The following MTUS2 variants were observed in gnomAD, a reference collection of about 807,000 sequenced individuals.
The protein encoded by MTUS2 is microtubule associated scaffold protein 2, also known as microtubule-associated tumor suppressor candidate 2.
In MTUS2, 40 loss-of-function variants were observed where a neutral mutation model predicts 114.1. The ratio of observed to expected loss-of-function variants is 0.35; its 90% CI spans 0.27 to 0.46. The LOEUF is 0.46. Ranked by LOEUF, MTUS2 falls within the 20% of genes least tolerant of loss-of-function variation. The pLI is 1.00. For missense variants in MTUS2, 1,679 were observed against 1,705.4 expected (o/e 0.98, Z 0.27); for synonymous variants, 688 against 672.0 (o/e 1.02, Z -0.37).
chr13:29,396,878 G>A (rs1255209960), intron 8 of MTUS2, among the ~76,000 whole-genome samples: 1 of 152,142 alleles, frequency 6.6e-6, no homozygotes, highest in Non-Finnish European at 1.5e-5. Flanking sequence ...TTGAAACATG[G>A]TCTTCATCCC....
chr13:29,464,445 C>G (rs1252494359), intron 9 of MTUS2, among the ~76,000 whole-genome samples: 1 of 152,160 alleles, frequency 6.6e-6, no homozygotes, highest in African/African-American at 2.4e-5. Context: ...CTGGGCAGGT[C>G]CCTGTAATCA....
At chr13:29,092,704 A>G (rs1256340715) in intron 4 of MTUS2, among the ~76,000 whole-genome samples, 2 of 152,068 alleles carry the variant, frequency 1.3e-5, no homozygotes, top group Admixed American at 6.5e-5. Flanking sequence ...CAACAGGCCC[A>G]GGGCCAAGTG....
chr13:29,381,052 C>CTG (rs72205462), intron 8 of MTUS2, among the ~76,000 whole-genome samples: 25,189 of 151,856 alleles, frequency 0.17, 3,172 homozygotes, highest in African/African-American at 0.35. Flanking sequence ...GAGGATGATG[C>CTG]TGTAGCAAGG....
Position 29,498,451 on chromosome 13 carries a change from G to A in MTUS2, c.3712G>A (p.Asp1238Asn). 2 of 1,614,172 alleles carry A rather than the reference G, an allele frequency of 1.2e-6. No homozygotes were observed. Among genetic ancestry groups the A allele is most frequent in the African/African-American group, 2.7e-5 (2 of 75,048 alleles). ...ALAPYQHLEEDMKSLKQVLEM... is the reference protein window; with the variant it reads ...ALAPYQHLEENMKSLKQVLEM... ...GGCTCCTTATCAGCACTTGGAAGAA[G>A]ACATGAAGAGTCTGAAGCAGGTATT... The change falls in exon 14 of 16, where the codon GAC (aspartate) becomes AAC (asparagine). Residue 1238 changes from aspartate (D) to asparagine (N), a missense_variant. Coordinates refer to ENST00000612955, the MANE Select transcript of MTUS2 (RefSeq NM_001033602.4).
intron 11 of MTUS2, among the ~76,000 whole-genome samples, chr13:29,491,060 C>T (rs112464942): frequency 0.013 from 1,805 of 136,386 alleles, 34 homozygotes; most frequent in African/African-American, 0.046. Flanking sequence ...TGGTGGGAGG[C>T]ATGGGGATGT....
At chr13:29,274,610 T>A (rs1897994492) in intron 5 of MTUS2, among the ~76,000 whole-genome samples, 1 of 152,256 alleles carries the variant, frequency 6.6e-6, no homozygotes, top group Non-Finnish European at 1.5e-5. Flanking sequence ...ATTTCCCTAA[T>A]GACAAGTGAA....
intron 4 of MTUS2, among the ~76,000 whole-genome samples, chr13:29,051,481 C>G (rs1887894761): frequency 6.6e-6 from 1 of 152,072 alleles, no homozygotes; most frequent in Admixed American, 6.6e-5. Context: ...AGATTGAAAT[C>G]TGCGTCTCAC....
At chr13:29,211,933 G>A (rs56271202) in intron 5 of MTUS2, among the ~76,000 whole-genome samples, 56 of 147,290 alleles carry the variant, frequency 3.8e-4, no homozygotes, top group East Asian at 8.3e-4. Context: ...GTCCATCTGA[G>A]TGGGAGCCTC....
intron 7 of MTUS2, among the ~76,000 whole-genome samples, chr13:29,351,824 A>C (rs925045826): frequency 2.7e-5 from 4 of 148,854 alleles, no homozygotes; most frequent in African/African-American, 1.0e-4. Flanking sequence ...CGTGTTGCCC[A>C]GGCTGGTCTC....
chr13:29,108,970 T>C (rs1890777398), intron 5 of MTUS2, among the ~76,000 whole-genome samples: 1 of 152,200 alleles, frequency 6.6e-6, no homozygotes, highest in African/African-American at 2.4e-5. Context: ...TATTTGAAAA[T>C]ATTTGAAGCT....
At chr13:29,144,244 C>T (rs1892340249) in intron 5 of MTUS2, among the ~76,000 whole-genome samples, 1 of 152,202 alleles carries the variant, frequency 6.6e-6, no homozygotes, top group African/African-American at 2.4e-5. Context: ...CCCACATTTT[C>T]TGTTTCTGTG....
At chr13:29,031,643 A>G (rs1013654139) in intron 3 of MTUS2, among the ~76,000 whole-genome samples, 2 of 151,982 alleles carry the variant, frequency 1.3e-5, no homozygotes, top group Non-Finnish European at 2.9e-5. Flanking sequence ...ACTCACCTAC[A>G]TGCTGAAGGG....
At chr13:29,341,554 A>C (rs891945330) in intron 7 of MTUS2, among the ~76,000 whole-genome samples, 4 of 152,120 alleles carry the variant, frequency 2.6e-5, no homozygotes, top group Admixed American at 2.6e-4. Context: ...CCTTTGTCAG[A>C]TGCATAGTTT....
Position 29,496,258 on chromosome 13 carries a change from A to G in MTUS2, c.3580-980A>G, listed in dbSNP as rs1300110996. 1 of 152,578 alleles carries G rather than the reference A, an allele frequency of 6.6e-6. No individual in the cohort carries two copies. The highest frequency in any genetic ancestry group is 1.5e-5 in the Non-Finnish European group (1 of 68,270). The allele number at this position is 152,578 out of a possible 1,614,324, so 9.5% of individuals were successfully genotyped here. On this transcript the variant is annotated intron_variant, in intron 12 of 15. Transcript: ENST00000612955. This position sits in a 1 kb window ranked among gnomAD's most constrained non-coding sequence, Gnocchi z 4.3. The stretch of plus-strand genomic sequence containing the variant: ...GTGGAGAGCAGCCAGCTGCCTGCCT[A>G]GCTGACAGGCATGGGAAGGTTGAGG...
intron 7 of MTUS2, among the ~76,000 whole-genome samples, chr13:29,344,382 G>T (rs1490251012): frequency 6.6e-6 from 1 of 152,058 alleles, no homozygotes; most frequent in African/African-American, 2.4e-5. Flanking sequence ...TGTTGGACTA[G>T]TCCTTTTATC....
chr13:29,101,062 A>G, intron 5 of MTUS2, 92 bp downstream of exon 5: 1 of 1,316,146 alleles, frequency 7.6e-7, no homozygotes, highest in Non-Finnish European at 1.0e-6. Flanking sequence ...ATGATTATTT[A>G]AGAATTTGCA....
In MTUS2 at chr13:29,475,594, G is replaced by C. The variant is rs370705224; in HGVS notation, c.3185-4556G>C. 6.5e-4 allele frequency among the ~76,000 whole-genome samples: 99 copies of C among 152,244 alleles called. 1 individual carries two copies. Among genetic ancestry groups the C allele is most frequent in the African/African-American group, 2.3e-3 (95 of 41,542 alleles). On this transcript the variant is annotated intron_variant, in intron 9 of 15. Transcript: ENST00000612955. ...TGGAGATATTGATGGTCCTGAGCCT[G>C]TGTAGGCTTACGCTAATATATGCAT...
At chr13:29,404,522 C>T (rs901401830) in intron 8 of MTUS2, among the ~76,000 whole-genome samples, 11 of 152,056 alleles carry the variant, frequency 7.2e-5, no homozygotes, top group African/African-American at 2.2e-4. Context: ...ATTTGTCCCC[C>T]GTCTCCTCCC....
At chr13:28,845,179 TCAAA>T (rs1283054342) in intron 2 of MTUS2, among the ~76,000 whole-genome samples, 1 of 152,122 alleles carries the variant, frequency 6.6e-6, no homozygotes, top group Non-Finnish European at 1.5e-5. Flanking sequence ...CAAGCTGATC[TCAAA>T]CAACCATCCT....
Sources: allele counts gnomAD v4.1 joint callset (sites outside exome capture counted in the v4.1 genomes callset), GRCh38; gene constraint gnomAD v4.1.1; non-coding constraint Gnocchi (gnomAD v3.1); transcripts MANE v1.5; gene names NCBI Gene and HGNC (gene_info 2026-07-23, HGNC 2026-07-21).